ZNF652: variants seen among roughly 807,000 people sequenced by gnomAD.
ZNF652 encodes zinc finger protein 652.
ZNF652 carries 16 observed loss-of-function variants against 45.2 expected under a neutral mutation model. The observed-to-expected ratio is 0.35, with a 90% CI of 0.24 to 0.54. The LOEUF (loss-of-function observed/expected upper bound fraction) is 0.54. Among genes scored for constraint, ZNF652 ranks in the 20% least tolerant of loss-of-function variants. The pLI, the probability that ZNF652 is intolerant of heterozygous loss-of-function variation, is 0.91. For synonymous variants in ZNF652, 250 were observed against 260.6 expected, an observed-to-expected ratio of 0.96 and a Z score of 0.39; for missense variants, 614 against 765.6, an observed-to-expected ratio of 0.80 and a Z score of 2.34.
rs1286052187 is a variant in ZNF652, at chr17:49,309,063, C to CAGGCAGAGAAGATAAGGGGGATGCAG, written c.1309+2223_1309+2248dup. On this transcript the variant is annotated intron_variant, in intron 5 of 5. Coordinates refer to ENST00000430262, the MANE Select transcript of ZNF652 (RefSeq NM_001145365.3). ...ATGGGGAGAAAAACACACAGGGAGA[C>CAGGCAGAGAAGATAAGGGGGATGCAG]AGGCAGAGAAGATAAGGGGGATGCA... Among the ~76,000 whole-genome samples the CAGGCAGAGAAGATAAGGGGGATGCAG allele has an allele frequency of 3.3e-5, 5 of 151,938 alleles. No individual in the cohort carries two copies. In the East Asian group the frequency reaches 9.6e-4, roughly 29 times the overall value.
intron 1 of ZNF652, among the ~76,000 whole-genome samples, chr17:49,359,362 TTAG>T (rs1204287336): frequency 6.6e-6 from 1 of 152,198 alleles, no homozygotes; most frequent in Non-Finnish European, 1.5e-5. Context: ...TGCTGCATAA[TTAG>T]TAGAATAAAT....
chr17:49,318,794 C>T (rs1439551626), intron 1 of ZNF652, among the ~76,000 whole-genome samples: 1 of 152,182 alleles, frequency 6.6e-6, no homozygotes, highest in Non-Finnish European at 1.5e-5. Context: ...GGTAGTGGGG[C>T]AGGCATTGTG....
Position 49,317,089 on chromosome 17 carries a change from G to C in ZNF652, c.637C>G (p.Arg213Gly). 1 of 1,613,994 alleles carries C rather than the reference G, an allele frequency of 6.2e-7. No homozygotes were observed. The highest frequency in any genetic ancestry group is 8.5e-7 in the Non-Finnish European group (1 of 1,180,008). ...TTAGGTGGCTCTACACTCTTCCTAC[G>C]ACCTCTTGTAGTTCTGGGAGTAGGG... is the stretch of plus-strand genomic sequence containing the variant. ...TSPTPRTTRGRRKSVEPPKRK... is the reference protein window; with the variant it reads ...TSPTPRTTRGGRKSVEPPKRK... The change falls in exon 2 of 6, where the codon CGT becomes GGT. Residue 213 changes from arginine (R) to glycine (G), a missense_variant. Physicochemically the swap from Arg to Gly is moderately radical, Grantham distance 125. This residue lies in a region of ZNF652 where 262 missense variants were observed against 306.3 expected (regional missense o/e 0.86). Transcript: ENST00000430262.
intron 1 of ZNF652, among the ~76,000 whole-genome samples, chr17:49,354,503 C>T (rs954776873): frequency 6.6e-6 from 1 of 150,894 alleles, no homozygotes; most frequent in Non-Finnish European, 1.5e-5. Flanking sequence ...CCCAGCTACT[C>T]GGGAGGCCAA....
intron 1 of ZNF652, among the ~76,000 whole-genome samples, chr17:49,348,261 TGAGA>T (rs1399808075): frequency 6.6e-6 from 1 of 151,628 alleles, no homozygotes; most frequent in Non-Finnish European, 1.5e-5. Flanking sequence ...GAGGCTGAGG[TGAGA>T]GAATCTCTTG....
chr17:49,313,973 C>CAAAAAAAAAAAAAAAAAAAAAAAAAA lies in ZNF652; in HGVS notation c.901-1154_901-1129dup, dbSNP rs71144595. Among the ~76,000 whole-genome samples the CAAAAAAAAAAAAAAAAAAAAAAAAAA allele has an allele frequency of 1.7e-4, 4 of 22,872 alleles. 1 individual carries two copies. Among genetic ancestry groups the CAAAAAAAAAAAAAAAAAAAAAAAAAA allele is most frequent in the Non-Finnish European group, 2.9e-4 (4 of 13,642 alleles). The allele number at this position is 22,872 out of a possible 152,430, so 15.0% of individuals were successfully genotyped here. ...GGCAACAAAGAGCGAAACTCCATCT[C>CAAAAAAAAAAAAAAAAAAAAAAAAAA]AAAAAAAAAAAAAAAAAAAAAAAAA... On this transcript the variant is annotated intron_variant, in intron 2 of 5. Coordinates refer to ENST00000430262, the MANE Select transcript of ZNF652 (RefSeq NM_001145365.3).
chr17:49,344,688 T>A (rs893857576), intron 1 of ZNF652, among the ~76,000 whole-genome samples: 1 of 151,946 alleles, frequency 6.6e-6, no homozygotes, highest in Non-Finnish European at 1.5e-5. Context: ...GCCTGGCTGA[T>A]GTTTTGTATT....
intron 1 of ZNF652, among the ~76,000 whole-genome samples, chr17:49,350,204 T>A (rs554603569): frequency 1.3e-5 from 2 of 152,206 alleles, no homozygotes; most frequent in Non-Finnish European, 2.9e-5. Flanking sequence ...GCACTCTACT[T>A]GTAACTTTTC....
At chr17:49,336,705 C>T (rs1476573179) in intron 1 of ZNF652, among the ~76,000 whole-genome samples, 1 of 151,464 alleles carries the variant, frequency 6.6e-6, no homozygotes, top group Non-Finnish European at 1.5e-5. Flanking sequence ...CGGCTTACTG[C>T]AACCTCCACC....
chr17:49,324,075 T>C (rs1195744083), intron 1 of ZNF652, among the ~76,000 whole-genome samples: 1 of 152,222 alleles, frequency 6.6e-6, no homozygotes, highest in Non-Finnish European at 1.5e-5. Flanking sequence ...TCTTTCGATA[T>C]AAGGCATTTT....
chr17:49,310,761 G>A (rs752776033), intron 5 of ZNF652, among the ~76,000 whole-genome samples: 4 of 152,118 alleles, frequency 2.6e-5, no homozygotes, highest in Non-Finnish European at 5.9e-5. Context: ...AATTAGCCAG[G>A]TATGGTGGCG....
rs141969368 is a variant in ZNF652 at position 49,338,279 on chromosome 17, C to A, written c.-258-20296G>T. Among the ~76,000 whole-genome samples, 71 of 152,198 alleles carry A rather than the reference C, an allele frequency of 4.7e-4. 1 individual carries two copies. The highest frequency in any genetic ancestry group is 1.6e-3 in the African/African-American group (65 of 41,516). On this transcript the variant is annotated intron_variant, in intron 1 of 5. Coordinates refer to ENST00000430262, the MANE Select transcript of ZNF652 (RefSeq NM_001145365.3). ...TGGGATTACAGCGTCAGCCACTGCA[C>A]TCCACCAGTTTCTGAACTCTTAAAA...
intron 1 of ZNF652, among the ~76,000 whole-genome samples, chr17:49,326,224 T>C (rs911740263): frequency 5.0e-4 from 54 of 107,216 alleles, no homozygotes; most frequent in Middle Eastern, 8.2e-3. Context: ...CTGGGCAACA[T>C]AGCAAGACCC....
chr17:49,308,576 TG>T (rs1290173152), intron 5 of ZNF652, among the ~76,000 whole-genome samples: 5 of 152,058 alleles, frequency 3.3e-5, no homozygotes, highest in Admixed American at 3.3e-4. Context: ...CTGAGGTAGG[TG>T]GATCACCTGA....
At chr17:49,288,245 A>G (rs949195261), downstream of ZNF652, 4 of 152,146 alleles carry the variant, frequency 2.6e-5, no homozygotes, top group Non-Finnish European at 5.9e-5. Context: ...CTTATTTAGT[A>G]TATACTCAGG....
At position 49,298,862 on chromosome 17, in the gene ZNF652, T is replaced by C; in HGVS notation, c.1372A>G (p.Arg458Gly). Residue 458 changes from arginine (R) to glycine (G), a missense_variant, in exon 6 of 6, where the codon AGA becomes GGA. Physicochemically the swap from Arg to Gly is moderately radical, Grantham distance 125 (BLOSUM62 -2). Around this residue, in one of 5 missense-constraint regions of ZNF652, gnomAD observed 81 missense variants for 167.0 expected, o/e 0.48. Transcript: ENST00000430262. ...TCGCCTGTGTGAGTTCTGCGGTGTC[T>C]CTTCATGTTGGGGCGGCTGGTGAAG... The part of the protein sequence containing the change: ...KSFTSRPNMK[R>G]HRRTHTGEKP... 6.2e-7 allele frequency: 1 copy of C among 1,613,850 alleles called. No homozygotes were observed. Among genetic ancestry groups the C allele is most frequent in the Non-Finnish European group, 8.5e-7 (1 of 1,179,948 alleles).
At chr17:49,332,679 C>T (rs1368441544) in intron 1 of ZNF652, among the ~76,000 whole-genome samples, 2 of 152,126 alleles carry the variant, frequency 1.3e-5, no homozygotes, top group Non-Finnish European at 2.9e-5. Flanking sequence ...AGAGGTCTTG[C>T]TATGTTGCTC....
In ZNF652 at chr17:49,298,709, T is replaced by C. The variant is rs2069509971; in HGVS notation, c.1525A>G (p.Thr509Ala). 1 of 1,613,982 alleles carries C rather than the reference T, an allele frequency of 6.2e-7. No individual in the cohort carries two copies. Among genetic ancestry groups the C allele is most frequent in the African/African-American group, 1.3e-5 (1 of 74,974 alleles). Residue 509 changes from threonine to alanine, a missense_variant, in exon 6 of 6, where the codon ACA becomes GCA. This residue lies in a region of ZNF652 where 132 missense variants were observed against 137.2 expected (regional missense o/e 0.96). Transcript: ENST00000430262. ...GGAACTGGGGTGGCTGGGGAAGTTG[T>C]AAGTGGGATCTGGACAGCAGGTGGC... is the stretch of plus-strand genomic sequence containing the variant. ...NVPPAVQIPL[T>A]TSPATPVPSV...
chr17:49,312,246 A>ACCTCTGCCC (rs1221545447), intron 3 of ZNF652, among the ~76,000 whole-genome samples: 1 of 147,156 alleles, frequency 6.8e-6, no homozygotes, highest in Non-Finnish European at 1.5e-5. Context: ...GCTCACTGCA[A>ACCTCTGCCC]CCTCTGCCCC....
Sources: allele counts gnomAD v4.1 joint callset (sites outside exome capture counted in the v4.1 genomes callset), GRCh38; gene constraint gnomAD v4.1.1; regional missense constraint gnomAD v4.1.1; transcripts MANE v1.5; gene names NCBI Gene and HGNC (gene_info 2026-07-23, HGNC 2026-07-21).